The following LOC400499 variants were observed in gnomAD, a reference collection of about 807,000 sequenced individuals.
chr16:11,491,969 G>C, the LOC400499 span: 1 of 394,764 alleles, frequency 2.5e-6, no homozygotes, highest in Non-Finnish European at 4.5e-6. Flanking sequence ...CCCCTACTGC[G>C]GGAGGCTTCC....
chr16:11,474,591 G>A, the LOC400499 span, among the ~76,000 whole-genome samples: 1,034 of 152,172 alleles, frequency 6.8e-3, 15 homozygotes, highest in African/African-American at 0.023. Flanking sequence ...CGGGTGCAGC[G>A]GCTCATGCCT....
At chr16:11,415,882 C>T in the LOC400499 span, among the ~76,000 whole-genome samples, 1 of 152,164 alleles carries the variant, frequency 6.6e-6, no homozygotes, top group Non-Finnish European at 1.5e-5. Context: ...ACAATTTCCC[C>T]ATGTGATCCT....
At chr16:11,447,130 T>C in the LOC400499 span, among the ~76,000 whole-genome samples, 1 of 152,186 alleles carries the variant, frequency 6.6e-6, no homozygotes, top group Admixed American at 6.5e-5. Context: ...TGGGCATGGC[T>C]GGGGTCCCCG....
At chr16:11,478,875 G>A in the LOC400499 span, among the ~76,000 whole-genome samples, 1 of 152,186 alleles carries the variant, frequency 6.6e-6, no homozygotes, top group African/African-American at 2.4e-5. Flanking sequence ...GATAGTGAAT[G>A]GGGCTCAGGA....
the LOC400499 span, among the ~76,000 whole-genome samples, chr16:11,468,604 G>C: frequency 6.6e-6 from 1 of 151,930 alleles, no homozygotes; most frequent in Non-Finnish European, 1.5e-5. Flanking sequence ...GTAATTACAG[G>C]TACAAGCCGT....
At chr16:11,446,709 T>A in the LOC400499 span, 1 of 1,532,730 alleles carries the variant, frequency 6.5e-7, no homozygotes, top group Non-Finnish European at 8.7e-7. Flanking sequence ...TTCCTCTGGC[T>A]CTCAGGCCCC....
At chr16:11,442,352 C>G in the LOC400499 span, 1 of 152,400 alleles carries the variant, frequency 6.6e-6, no homozygotes, top group African/African-American at 2.4e-5. Flanking sequence ...TCCTGAGTAA[C>G]TGGGATTACA....
At chr16:11,423,812 CAG>C in the LOC400499 span, among the ~76,000 whole-genome samples, 1 of 152,240 alleles carries the variant, frequency 6.6e-6, no homozygotes, top group Non-Finnish European at 1.5e-5. Context: ...TTCTACCAGA[CAG>C]GGCCTGGTGC....
chr16:11,455,472 C>T, the LOC400499 span, among the ~76,000 whole-genome samples: 2 of 152,134 alleles, frequency 1.3e-5, no homozygotes, highest in South Asian at 4.1e-4. Context: ...CAGTGGCTCA[C>T]ACCTGTAATA....
At chr16:11,410,405 A>G in the LOC400499 span, among the ~76,000 whole-genome samples, 1 of 152,212 alleles carries the variant, frequency 6.6e-6, no homozygotes, top group African/African-American at 2.4e-5. Context: ...AGTGAGCCGA[A>G]ATTGTGCCAC....
the LOC400499 span, among the ~76,000 whole-genome samples, chr16:11,426,254 G>A: frequency 6.6e-6 from 1 of 151,988 alleles, no homozygotes; most frequent in Non-Finnish European, 1.5e-5. Context: ...TGGTCAACAT[G>A]GTGAAACCCT....
the LOC400499 span, chr16:11,384,233 GCTC>G: frequency 5.7e-6 from 7 of 1,232,208 alleles, no homozygotes; most frequent in South Asian, 1.2e-4. Context: ...GCCAGGCTGA[GCTC>G]CTCCAGGCTG....
At chr16:11,414,187 G>T in the LOC400499 span, among the ~76,000 whole-genome samples, 1 of 152,242 alleles carries the variant, frequency 6.6e-6, no homozygotes, top group Non-Finnish European at 1.5e-5. Context: ...TGGTTATAGC[G>T]ATTATGAATG....
the LOC400499 span, chr16:11,493,833 G>A: frequency 4.1e-6 from 1 of 242,358 alleles, no homozygotes. Context: ...GAGGGGCAGT[G>A]GCGTGGGGGG....
the LOC400499 span, chr16:11,469,642 G>A: frequency 2.5e-6 from 1 of 399,130 alleles, no homozygotes. Context: ...GTGGGCTGTG[G>A]CTTCTTGGGG....
chr16:11,372,814 A>G, the LOC400499 span: 10 of 602,288 alleles, frequency 1.7e-5, no homozygotes, highest in Non-Finnish European at 2.1e-5. Flanking sequence ...CCTGAAATAA[A>G]TTATGCTAGG....
chr16:11,473,786 ATAAC>A, the LOC400499 span, among the ~76,000 whole-genome samples: 2 of 151,952 alleles, frequency 1.3e-5, no homozygotes, highest in African/African-American at 4.8e-5. Context: ...CGATATGTCA[ATAAC>A]TTACCAACCC....
At chr16:11,491,668 CACACCCCT>C in the LOC400499 span, 1 of 389,628 alleles carries the variant, frequency 2.6e-6, no homozygotes, top group Non-Finnish European at 4.5e-6. Context: ...CACCCCTGCC[CACACCCCT>C]CCCACACACA....
chr16:11,471,667 G>A, the LOC400499 span: 1 of 399,180 alleles, frequency 2.5e-6, no homozygotes, highest in Non-Finnish European at 4.4e-6. Context: ...GGGCTGCAGG[G>A]TATAGGCAGC....
Sources: allele counts gnomAD v4.1 joint callset (sites outside exome capture counted in the v4.1 genomes callset), GRCh38; gene constraint gnomAD v4.1.1; transcripts MANE v1.5.